PTCH1: variants seen among roughly 807,000 people sequenced by gnomAD.
PTCH1 encodes patched 1, also known as protein patched homolog 1.
Under a neutral mutation model 144.6 loss-of-function variants are expected in PTCH1, and 14 were observed. The ratio of observed to expected loss-of-function variants is 0.10; its 90% confidence interval spans 0.06 to 0.15. PTCH1 has a LOEUF of 0.15. PTCH1 is among the 10% of genes least tolerant of loss of function. PTCH1 has a pLI of 1.00. For missense variants in PTCH1, 1,623 were observed against 1,948.3 expected, an observed-to-expected ratio of 0.83 and a Z score of 3.14; for synonymous variants, 833 against 793.6, an observed-to-expected ratio of 1.05 and a Z score of -0.83.
intron 23 of PTCH1, chr9:95,446,683 G>A (rs965043671): frequency 1.4e-5 from 9 of 623,634 alleles, no homozygotes; most frequent in Non-Finnish European, 2.3e-5. Flanking sequence ...CCGACCCTCC[G>A]CAGGTTAGCA....
At position 95,475,280 on chromosome 9, in the gene PTCH1, C is replaced by T. The variant is rs541379698; in HGVS notation, c.1728+754G>A. 6.6e-5 allele frequency among the ~76,000 whole-genome samples: 10 copies of T among 152,286 alleles called. No homozygotes were observed. The East Asian group carries it at 1.4e-3, about 21-fold the overall frequency. On this transcript the variant is annotated intron_variant, in intron 12 of 23. Transcript: ENST00000331920. ...GAGTCTGGATTAGAAAATACCCTGACGGCCTCTGGGGGTGACGGGGCCTGG... is the reference window on the plus strand; with the variant it reads ...GAGTCTGGATTAGAAAATACCCTGATGGCCTCTGGGGGTGACGGGGCCTGG...
At chr9:95,509,615 GCA>G (rs3834392), upstream of PTCH1, among the ~76,000 whole-genome samples, 80 of 152,300 alleles carry the variant, frequency 5.3e-4, 2 homozygotes, top group East Asian at 0.015. Context: ...GCGCGCGCAC[GCA>G]CACACACGAA....
chr9:95,444,499 ACG>A lies in PTCH1; in HGVS notation c.*1892_*1893del. The A allele has an allele frequency of 7.0e-6, 1 of 142,750 alleles. No homozygotes were observed. Among genetic ancestry groups the A allele is most frequent in the Non-Finnish European group, 1.5e-5 (1 of 68,146 alleles). The allele number at this position is 142,750 out of a possible 1,614,324, so 8.8% of individuals were successfully genotyped here. A position where few individuals can be genotyped will look rare whatever the true frequency, so the allele number is the denominator to read the frequency against. The stretch of plus-strand genomic sequence containing the variant: ...GGGTCCCCAGCAGAGACACACACAC[ACG>A]CACGCACGCACACACACACACACAC... On this transcript the variant is annotated 3_prime_UTR_variant, in exon 24 of 24. Transcript: ENST00000331920.
intron 2 of PTCH1, among the ~76,000 whole-genome samples, chr9:95,491,341 T>G (rs866713574): frequency 6.6e-6 from 1 of 152,228 alleles, no homozygotes; most frequent in Non-Finnish European, 1.5e-5. Flanking sequence ...GACAAGTCCC[T>G]GACACAGCTG....
At chr9:95,483,259 T>C (rs1171142079) in intron 3 of PTCH1, 1 of 146,584 alleles carries the variant, frequency 6.8e-6, no homozygotes, top group African/African-American at 2.6e-5. Context: ...CAAGACCCTA[T>C]CTCTCAAAAA....
chr9:95,494,423 C>T lies in PTCH1; in HGVS notation c.395-8549G>A, dbSNP rs1842656898. ...CTTCATTGGTTACTTGCCACACTGG[C>T]AAATGAGGGCTGTGCACCGCGCCAC... On this transcript the variant is annotated intron_variant, in intron 2 of 23. Coordinates refer to ENST00000331920, the MANE Select transcript of PTCH1 (RefSeq NM_000264.5). 4.1e-6 allele frequency: 4 copies of T among 985,420 alleles called. No individual in the cohort carries two copies. In the South Asian group the frequency reaches 1.9e-4, roughly 46 times the overall value. The allele number at this position is 985,420 out of a possible 1,614,324, so 61.0% of individuals were successfully genotyped here.
At position 95,506,380 on chromosome 9, in the gene PTCH1, C is replaced by CGCGGGCGCCGCG. The variant is rs762616418; in HGVS notation, c.394+15_394+26dup. ...CCGCGAGGAGGGACCGGGCCGGGGG[C>CGCGGGCGCCGCG]GCGGGCGCCGCGGCGGGCGCTCTTA... is the stretch of plus-strand genomic sequence containing the variant. On this transcript the variant is annotated intron_variant, in intron 2 of 23. Coordinates refer to ENST00000331920, the MANE Select transcript of PTCH1 (RefSeq NM_000264.5). 5.4e-5 allele frequency: 86 copies of CGCGGGCGCCGCG among 1,605,578 alleles called. No homozygotes were observed. In the African/African-American group the frequency reaches 7.5e-4, roughly 14 times the overall value.
At chr9:95,481,577 G>A (rs1841534888) in intron 5 of PTCH1, among the ~76,000 whole-genome samples, 1 of 152,148 alleles carries the variant, frequency 6.6e-6, no homozygotes, top group African/African-American at 2.4e-5. Context: ...TCATTCTGAT[G>A]TGAACCCACT....
rs1843972299 is a variant in PTCH1 at position 95,508,859 on chromosome 9, C to A, written c.-498G>T. Reference sequence around the variant, plus strand: ...GCGCCTCCCGGGTCGCCCGAGCGGCCGCGGAGGGCAAGCGCAGAGCCGCCG... The same window carrying A: ...GCGCCTCCCGGGTCGCCCGAGCGGCAGCGGAGGGCAAGCGCAGAGCCGCCG... On this transcript the variant is annotated 5_prime_UTR_variant, in exon 1 of 24. Transcript: ENST00000331920. 1.0e-6 allele frequency: 1 copy of A among 981,808 alleles called. No individual in the cohort carries two copies. The highest frequency in any genetic ancestry group is 1.2e-6 in the Non-Finnish European group (1 of 827,574). The allele number at this position is 981,808 out of a possible 1,614,324, so 60.8% of individuals were successfully genotyped here.
Position 95,449,831 on chromosome 9 carries a change from C to T in PTCH1, c.3549+10G>A, listed in dbSNP as rs587780703. 2 of 1,607,170 alleles carry T rather than the reference C, an allele frequency of 1.2e-6. No individual in the cohort carries two copies. The highest frequency in any genetic ancestry group is 2.2e-5 in the East Asian group (1 of 44,848). On this transcript the variant is annotated intron_variant, in intron 21 of 23. Coordinates refer to ENST00000331920, the MANE Select transcript of PTCH1 (RefSeq NM_000264.5). The surrounding 1 kb of genome is among the most constrained non-coding windows in gnomAD (Gnocchi z 5.3). ...GCCTACACGTGGGACATCCCCGTGT[C>T]ACTACTGACCTCAGGATATGGTCCA...
At position 95,482,170 on chromosome 9, in the gene PTCH1, T is replaced by C. The variant is rs1841594710; in HGVS notation, c.618A>G (p.Ser206=). 3 of 1,614,178 alleles carry C rather than the reference T, an allele frequency of 1.9e-6. No homozygotes were observed. The East Asian group carries it at 6.7e-5, about 36-fold the overall frequency. ...QWKLEHLCYK[S]GELITETGYM... is the part of the protein sequence containing the mutation. ...AACCTGTTTCTGTGATAAGCTCTCCTGATTTGTAACACAAATGTTCCAATT... is the reference window on the plus strand; with the variant it reads ...AACCTGTTTCTGTGATAAGCTCTCCCGATTTGTAACACAAATGTTCCAATT... The change falls in exon 4 of 24, where the codon TCA becomes TCG. Residue 206 remains serine, a synonymous_variant. Transcript: ENST00000331920.
intron 2 of PTCH1, among the ~76,000 whole-genome samples, chr9:95,495,919 T>C (rs1842756931): frequency 6.6e-6 from 1 of 152,194 alleles, no homozygotes. Context: ...CTACAGAAAG[T>C]AATGGGATTT....
chr9:95,496,593 G>A (rs781761838), intron 2 of PTCH1, among the ~76,000 whole-genome samples: 13 of 150,428 alleles, frequency 8.6e-5, no homozygotes, highest in Non-Finnish European at 1.6e-4. Flanking sequence ...TCTAGAAAGA[G>A]CAGTTAATAG....
upstream of PTCH1, among the ~76,000 whole-genome samples, chr9:95,512,654 C>T (rs563432543): frequency 4.6e-5 from 7 of 152,282 alleles, no homozygotes; most frequent in South Asian, 1.5e-3. Flanking sequence ...TATGCATGCC[C>T]TGTGCAGGGG....
chr9:95,493,264 C>G (rs1454953599), intron 2 of PTCH1, among the ~76,000 whole-genome samples: 1 of 152,254 alleles, frequency 6.6e-6, no homozygotes, highest in East Asian at 1.9e-4. Flanking sequence ...TAAGAAACTT[C>G]TGTGTCATTC....
intron 12 of PTCH1, 54 bp from the exon 13 acceptor site, chr9:95,469,985 G>C: frequency 8.0e-7 from 1 of 1,245,834 alleles, no homozygotes; most frequent in Non-Finnish European, 1.2e-6. Flanking sequence ...CCCAATCAGA[G>C]GACTGCTTCG....
chr9:95,489,451 C>T (rs370585009), intron 2 of PTCH1, among the ~76,000 whole-genome samples: 5 of 152,206 alleles, frequency 3.3e-5, no homozygotes, highest in South Asian at 4.2e-4. Context: ...TGGGCTTAAG[C>T]GATCCTCCTC....
rs150357862 is a variant in PTCH1 at position 95,471,998 on chromosome 9, T to C, written c.1729-2067A>G. On this transcript the variant is annotated intron_variant, in intron 12 of 23. Transcript: ENST00000331920. ...GTTGTGGTGAGCCGAGATCGCACCA[T>C]TGCACTCCAGCCTGGGCAACAAGAG... Among the ~76,000 whole-genome samples the C allele has an allele frequency of 3.4e-4, 51 of 152,166 alleles. No homozygotes were observed. In the East Asian group the frequency reaches 8.7e-3, roughly 26 times the overall value.
chr9:95,462,803 G>T (rs1249997940), intron 15 of PTCH1, among the ~76,000 whole-genome samples: 1 of 152,204 alleles, frequency 6.6e-6, no homozygotes, highest in Non-Finnish European at 1.5e-5. Context: ...GGGCCTGGGG[G>T]ATGGGCGAGC....
Sources: allele counts gnomAD v4.1 joint callset (sites outside exome capture counted in the v4.1 genomes callset), GRCh38; gene constraint gnomAD v4.1.1; non-coding constraint Gnocchi (gnomAD v3.1); transcripts MANE v1.5; gene names NCBI Gene and HGNC (gene_info 2026-07-23, HGNC 2026-07-21).